The following GRAMD2B variants were observed in gnomAD, a reference collection of about 807,000 sequenced individuals.
GRAMD2B encodes the protein GRAM domain-containing protein 2B.
Under a neutral mutation model 59.2 loss-of-function variants are expected in GRAMD2B, and 41 were observed. The observed-to-expected ratio is 0.69, with a 90% CI of 0.54 to 0.90. The LOEUF (loss-of-function observed/expected upper bound fraction) is 0.90. Among genes scored for constraint, GRAMD2B ranks in the 40% least tolerant of loss-of-function variants. GRAMD2B has a pLI of 0.00. For missense variants in GRAMD2B, 424 were observed against 500.5 expected (o/e 0.85, Z 1.46); for synonymous variants, 161 against 182.7 (o/e 0.88, Z 0.96).
At chr5:126,361,552 T>C (rs1404870511) in intron 1 of GRAMD2B, among the ~76,000 whole-genome samples, 2 of 151,776 alleles carry the variant, frequency 1.3e-5, no homozygotes, top group African/African-American at 4.8e-5. Flanking sequence ...TAAGTTTCTA[T>C]ATGTAAAATG....
At chr5:126,381,982 G>C (rs949781757) in intron 1 of GRAMD2B, among the ~76,000 whole-genome samples, 2 of 152,030 alleles carry the variant, frequency 1.3e-5, no homozygotes, top group Non-Finnish European at 2.9e-5. Context: ...AAAAATCTTT[G>C]CTGATAATTG....
intron 1 of GRAMD2B, among the ~76,000 whole-genome samples, chr5:126,424,377 A>G (rs1182499082): frequency 6.6e-6 from 1 of 152,168 alleles, no homozygotes; most frequent in South Asian, 2.1e-4. Flanking sequence ...AATTCAGTCT[A>G]TGATTTTAGA....
At chr5:126,403,682 G>T (rs1758020596) in intron 1 of GRAMD2B, among the ~76,000 whole-genome samples, 2 of 151,848 alleles carry the variant, frequency 1.3e-5, no homozygotes, top group Non-Finnish European at 2.9e-5. Flanking sequence ...ATATTTTGTT[G>T]TAATTTTATT....
intron 1 of GRAMD2B, among the ~76,000 whole-genome samples, chr5:126,461,254 GGT>G (rs1228420506): frequency 1.3e-5 from 2 of 152,148 alleles, no homozygotes; most frequent in Non-Finnish European, 2.9e-5. Context: ...ACAAGAGAAA[GGT>G]GTATTGAGTT....
At chr5:126,455,479 G>A (rs1199322040) in intron 1 of GRAMD2B, among the ~76,000 whole-genome samples, 1 of 151,614 alleles carries the variant, frequency 6.6e-6, no homozygotes, top group African/African-American at 2.4e-5. Context: ...TTCCTTGTCT[G>A]CATATTGTGC....
At chr5:126,422,936 T>G (rs143288033), upstream of GRAMD2B, among the ~76,000 whole-genome samples, 225 of 137,354 alleles carry the variant, frequency 1.6e-3, no homozygotes, top group African/African-American at 5.3e-3. Context: ...CCCAGAACGA[T>G]GAAGGGTTAA....
intron 1 of GRAMD2B, among the ~76,000 whole-genome samples, chr5:126,427,544 G>A (rs962449601): frequency 2.0e-5 from 3 of 152,110 alleles, no homozygotes; most frequent in African/African-American, 7.2e-5. Context: ...AACTCCATAC[G>A]GATGTAGGAA....
intron 1 of GRAMD2B, among the ~76,000 whole-genome samples, chr5:126,400,639 G>C (rs1757747586): frequency 6.6e-6 from 1 of 152,050 alleles, no homozygotes; most frequent in Admixed American, 6.6e-5. Context: ...TATAAGGCAG[G>C]TCTAATGGTG....
At chr5:126,444,219 G>T (rs1362635961) in intron 1 of GRAMD2B, among the ~76,000 whole-genome samples, 3 of 152,148 alleles carry the variant, frequency 2.0e-5, no homozygotes, top group African/African-American at 7.2e-5. Flanking sequence ...GGAATTTAAG[G>T]ACAAGAGCCC....
chr5:126,372,438 A>G (rs897990298), intron 1 of GRAMD2B, among the ~76,000 whole-genome samples: 1 of 152,192 alleles, frequency 6.6e-6, no homozygotes, highest in Non-Finnish European at 1.5e-5. Flanking sequence ...GTTTTAAATC[A>G]TTTACACAAA....
chr5:126,377,351 T>G (rs924946408), intron 1 of GRAMD2B, among the ~76,000 whole-genome samples: 1 of 152,040 alleles, frequency 6.6e-6, no homozygotes, highest in Non-Finnish European at 1.5e-5. Flanking sequence ...ATGTATTTAT[T>G]ACAAAGCCAA....
chr5:126,425,198 A>G (rs898721974), intron 1 of GRAMD2B, among the ~76,000 whole-genome samples: 1 of 152,224 alleles, frequency 6.6e-6, no homozygotes, highest in African/African-American at 2.4e-5. Flanking sequence ...CACATTACTC[A>G]CAATAGCCAA....
rs548074618 is a variant in GRAMD2B, at chr5:126,456,823, A to G, written c.84-8603A>G. On this transcript the variant is annotated intron_variant, in intron 1 of 13. Coordinates refer to ENST00000285689, the MANE Select transcript of GRAMD2B (RefSeq NM_023927.4). ...AGAAATTAGTAACCGCTGCCATTTT[A>G]CCTCCCCCTTTGTTTTTTCTTTAAT... Among the ~76,000 whole-genome samples the G allele has an allele frequency of 2.0e-5, 3 of 151,870 alleles. No individual in the cohort carries two copies. The East Asian group carries it at 5.8e-4, about 29-fold the overall frequency.
Position 126,480,582 on chromosome 5 carries a change from G to T in GRAMD2B, c.655-45G>T, listed in dbSNP as rs1449274423. ...CTGTCTCTCTTCTGTATTTCTTATG[G>T]TTTCATAGTTAATCTGGCTTTTCGT... On this transcript the variant is annotated intron_variant, in intron 7 of 13. Coordinates refer to ENST00000285689, the MANE Select transcript of GRAMD2B (RefSeq NM_023927.4). 5 of 1,607,892 alleles carry T rather than the reference G, an allele frequency of 3.1e-6. No homozygotes were observed. In the South Asian group the frequency reaches 5.5e-5, roughly 18 times the overall value.
chr5:126,472,148 A>T, intron 3 of GRAMD2B, 90 bp from the exon 4 acceptor site: 1 of 953,836 alleles, frequency 1.0e-6, no homozygotes, highest in Non-Finnish European at 1.7e-6. Context: ...AGATACTATT[A>T]AGGGAGGGAA....
Position 126,381,111 on chromosome 5 carries a change from C to T in GRAMD2B, c.125+9544C>T, listed in dbSNP as rs944641604. ...TTTGCTGAGGGTTTTAATCATAAAG[C>T]GATGCTAGATTTTGTCAAATGCTTT... On this transcript the variant is annotated intron_variant, in intron 1 of 8. Coordinates refer to the GRAMD2B transcript ENST00000506445. Among the ~76,000 whole-genome samples, 9 of 151,998 alleles carry T rather than the reference C, an allele frequency of 5.9e-5. No individual in the cohort carries two copies. The South Asian group carries it at 6.2e-4, about 11-fold the overall frequency.
intron 1 of GRAMD2B, among the ~76,000 whole-genome samples, chr5:126,412,676 T>C (rs2149760095): frequency 6.6e-6 from 1 of 152,206 alleles, no homozygotes; most frequent in South Asian, 2.1e-4. Flanking sequence ...ATAGTTTCAG[T>C]AGGATTGGTA....
rs763719051 is a variant in GRAMD2B, at chr5:126,480,694, C to T, written c.722C>T (p.Ser241Leu). The T allele has an allele frequency of 6.2e-7, 1 of 1,613,920 alleles. No homozygotes were observed. Among genetic ancestry groups the T allele is most frequent in the Non-Finnish European group, 8.5e-7 (1 of 1,179,780 alleles). Residue 241 changes from serine to leucine, a missense_variant, in exon 8 of 14, where the codon TCA becomes TTA. Physicochemically the swap from Ser to Leu is moderately radical, Grantham distance 145. Coordinates refer to ENST00000285689, the MANE Select transcript of GRAMD2B (RefSeq NM_023927.4). ...AACAGTTTCCGAGCAGACCGCCCTT[C>T]ATCTCTGCCTCTGGTAAGTTGCCCA... ...AENSFRADRPSSLPLDFNDEF... is the reference protein window; with the variant it reads ...AENSFRADRPLSLPLDFNDEF...
At chr5:126,388,753 T>A (rs1756425260) in intron 1 of GRAMD2B, among the ~76,000 whole-genome samples, 1 of 151,964 alleles carries the variant, frequency 6.6e-6, no homozygotes, top group African/African-American at 2.4e-5. Context: ...TTATTTTCCT[T>A]CTTAAGAGAA....
Sources: allele counts gnomAD v4.1 joint callset (sites outside exome capture counted in the v4.1 genomes callset), GRCh38; gene constraint gnomAD v4.1.1; transcripts MANE v1.5; gene names NCBI Gene and HGNC (gene_info 2026-07-23, HGNC 2026-07-21).